POM121: variants seen among roughly 807,000 people sequenced by gnomAD.
POM121 encodes the protein POM121 transmembrane nucleoporin.
POM121 carries 32 observed loss-of-function variants against 81.3 expected under a neutral mutation model. The ratio of observed to expected loss-of-function variants is 0.39; its 90% confidence interval spans 0.30 to 0.53. The LOEUF (loss-of-function observed/expected upper bound fraction) is 0.53. Ranked by LOEUF, POM121 falls within the 20% of genes least tolerant of loss-of-function variation. The probability of loss-of-function intolerance (pLI) is 0.66; values close to 1 mark genes in which losing one functional copy is unlikely to be tolerated. For missense variants in POM121, 1,138 were observed against 1,614.6 expected, an observed-to-expected ratio of 0.70 and a Z score of 5.06; for synonymous variants, 514 against 694.2, an observed-to-expected ratio of 0.74 and a Z score of 4.08.
At position 72,926,312 on chromosome 7, in the gene POM121, A is replaced by C; in HGVS notation, c.695A>C (p.Tyr232Ser). 1 of 1,601,336 alleles carries C rather than the reference A, an allele frequency of 6.2e-7. No individual in the cohort carries two copies. Among genetic ancestry groups the C allele is most frequent in the Non-Finnish European group, 8.5e-7 (1 of 1,173,408 alleles). ...NRFVITPRRR[Y>S]PIHQAQYSCL... is the part of the protein sequence containing the mutation. The stretch of plus-strand genomic sequence containing the variant: ...TTTGTAATAACACCTAGAAGACGCT[A>C]TCCGATCCATCAGGCCCAGTATTCC... Residue 232 changes from tyrosine (Y) to serine (S), a missense_variant, in exon 2 of 13, where the codon TAT (tyrosine) becomes TCT (serine). This residue lies in a region of POM121 where 646 missense variants were observed against 633.5 expected (regional missense o/e 1.02). Coordinates refer to ENST00000434423, the MANE Select transcript of POM121 (RefSeq NM_001387691.1).
At chr7:72,915,327 C>G (rs1554494936) in intron 4 of POM121, among the ~76,000 whole-genome samples, 1 of 152,134 alleles carries the variant, frequency 6.6e-6, no homozygotes, top group African/African-American at 2.4e-5. Context: ...GGCATCTATT[C>G]AGAGCTAATA....
intron 5 of POM121, among the ~76,000 whole-genome samples, chr7:72,931,422 C>T (rs1796009095): frequency 1.3e-5 from 2 of 152,056 alleles, no homozygotes; most frequent in Non-Finnish European, 2.9e-5. Flanking sequence ...TAGACAGATC[C>T]TCTAGAAAGG....
chr7:72,934,317 T>C (rs1796305450), intron 5 of POM121, among the ~76,000 whole-genome samples: 1 of 152,168 alleles, frequency 6.6e-6, no homozygotes, highest in South Asian at 2.1e-4. Context: ...ACTCGTGACC[T>C]CAGGTGATCC....
At position 72,925,403 on chromosome 7, in the gene POM121, C is replaced by T. The variant is rs1795297686; in HGVS notation, c.282C>T (p.Ser94=). 2 of 1,531,338 alleles carry T rather than the reference C, an allele frequency of 1.3e-6. No individual in the cohort carries two copies. The highest frequency in any genetic ancestry group is 1.7e-6 in the Non-Finnish European group (2 of 1,144,800). The allele number at this position is 1,531,338 out of a possible 1,614,324, so 94.9% of individuals were successfully genotyped here. A position where few individuals can be genotyped will look rare whatever the true frequency, so the allele number is the denominator to read the frequency against. The part of the protein sequence containing the change: ...RKARHRRPLS[S]FVRKARHRRT... Reference sequence around the variant, plus strand: ...CGCGTCATCGGCGCCCCTTGTCCTCCTTCGTTCGGAAGGCGCGTCATCGGC... The same window carrying T: ...CGCGTCATCGGCGCCCCTTGTCCTCTTTCGTTCGGAAGGCGCGTCATCGGC... The change falls in exon 1 of 13, where the codon TCC becomes TCT. Residue 94 remains serine, a synonymous_variant. Coordinates refer to ENST00000434423, the MANE Select transcript of POM121 (RefSeq NM_001387691.1).
chr7:72,927,878 A>G (rs1426559645), intron 3 of POM121, among the ~76,000 whole-genome samples: 1 of 152,160 alleles, frequency 6.6e-6, no homozygotes, highest in Non-Finnish European at 1.5e-5. Flanking sequence ...GGACAAGACA[A>G]AATCCCTGCT....
At chr7:72,932,511 A>G (rs199777501) in intron 5 of POM121, among the ~76,000 whole-genome samples, 1 of 152,160 alleles carries the variant, frequency 6.6e-6, no homozygotes, top group East Asian at 1.9e-4. Flanking sequence ...TAATGCTGCA[A>G]AGAATACATT....
downstream of POM121, chr7:72,948,804 C>G (rs781985762): frequency 5.2e-6 from 8 of 1,551,834 alleles, no homozygotes; most frequent in Non-Finnish European, 6.2e-6. Flanking sequence ...AGGGCGGGAG[C>G]TAGCCTGCAA....
intron 3 of POM121, among the ~76,000 whole-genome samples, chr7:72,900,865 C>G (rs562972399): frequency 6.7e-6 from 1 of 149,666 alleles, no homozygotes; most frequent in Non-Finnish European, 1.5e-5. Context: ...TGCTCTTTTT[C>G]TAGTTTCTTA....
chr7:72,949,084 A>G (rs139392020), downstream of POM121: 4 of 1,612,790 alleles, frequency 2.5e-6, no homozygotes, highest in Non-Finnish European at 3.4e-6. Context: ...GGGCTCCTCC[A>G]GCTGTCTGCT....
At chr7:72,900,435 A>G (rs1434969960) in intron 3 of POM121, among the ~76,000 whole-genome samples, 5 of 151,670 alleles carry the variant, frequency 3.3e-5, no homozygotes, top group Non-Finnish European at 7.4e-5. Context: ...TCGAAGAGCC[A>G]ACATTTGGTT....
chr7:72,939,775 G>C lies in POM121; in HGVS notation c.1442-72G>C, dbSNP rs1235822385. On this transcript the variant is annotated intron_variant, in intron 7 of 12. Transcript: ENST00000434423. ...CCATTGAAAACTCAATGTGAAATGC[G>C]AAGTGGGTAGACACAACCATCCATT... is the stretch of plus-strand genomic sequence containing the variant. 3 of 1,610,674 alleles carry C rather than the reference G, an allele frequency of 1.9e-6. No individual in the cohort carries two copies. The South Asian group carries it at 3.3e-5, about 18-fold the overall frequency.
Position 72,942,989 on chromosome 7 carries a change from ACT to A in POM121, c.2999_3000del (p.Ser1000CysfsTer170), listed in dbSNP as rs782438941. On this transcript the variant is annotated frameshift_variant, in exon 11 of 13. Transcript: ENST00000434423. LOFTEE classifies it high-confidence loss of function. ...TTTGGCAGCTCTTTCACTTTTGGAAACTCTGCAGCCCCGGCTGCTGCACCCAC... is the reference window on the plus strand; with the variant it reads ...TTTGGCAGCTCTTTCACTTTTGGAAACTGCAGCCCCGGCTGCTGCACCCAC... 6.2e-6 allele frequency: 10 copies of A among 1,609,732 alleles called. No individual in the cohort carries two copies. The highest frequency in any genetic ancestry group is 4.5e-5 in the East Asian group (2 of 44,804).
chr7:72,946,412 G>T lies in POM121; in HGVS notation c.*178G>T. ...CCTTTCCCTTCTGGAGGAAGCACAA[G>T]CCTCAGGGAAGGGGAAGCAGGATGC... On this transcript the variant is annotated 3_prime_UTR_variant, in exon 13 of 13. Transcript: ENST00000434423. The T allele has an allele frequency of 7.0e-7, 1 of 1,425,152 alleles. No individual in the cohort carries two copies. Among genetic ancestry groups the T allele is most frequent in the East Asian group, 2.6e-5 (1 of 38,352 alleles). 88.3% of individuals were successfully genotyped at this position (1,425,152 alleles called of 1,614,324 possible).
intron 2 of POM121, 131 bp downstream of exon 2, chr7:72,926,608 T>C: frequency 1.0e-5 from 15 of 1,500,512 alleles, no homozygotes; most frequent in Non-Finnish European, 1.4e-5. Context: ...AATACCAAAT[T>C]CTAGTAAACC....
At chr7:72,922,518 T>C (rs1794906460), upstream of POM121, among the ~76,000 whole-genome samples, 2 of 151,902 alleles carry the variant, frequency 1.3e-5, no homozygotes, top group East Asian at 3.9e-4. Context: ...TCCTGAGTAG[T>C]TGGTACTACA....
At chr7:72,916,738 CTG>C (rs781921949) in intron 4 of POM121, among the ~76,000 whole-genome samples, 25 of 152,170 alleles carry the variant, frequency 1.6e-4, no homozygotes, top group Non-Finnish European at 3.4e-4. Flanking sequence ...AGCATTGACT[CTG>C]TAAATTATTT....
chr7:72,927,045 A>G (rs1795525233), intron 3 of POM121, 82 bp downstream of exon 3: 1 of 1,603,922 alleles, frequency 6.2e-7, no homozygotes, highest in Non-Finnish European at 8.5e-7. Flanking sequence ...ATATAGATAC[A>G]GAGGCCATCT....
Position 72,943,523 on chromosome 7 carries a change from G to A in POM121, c.3529+1G>A. 6.2e-7 allele frequency: 1 copy of A among 1,611,742 alleles called. No homozygotes were observed. The highest frequency in any genetic ancestry group is 8.5e-7 in the Non-Finnish European group (1 of 1,179,750). The stretch of plus-strand genomic sequence containing the variant: ...ACTGAGAGCAAACCTGTGTTTGGAG[G>A]TAAGGAGGGGCGTGGACTTGGGCTA... On this transcript the variant is annotated splice_donor_variant, in intron 11 of 12. Transcript: ENST00000434423. LOFTEE classifies it high-confidence loss of function.
At chr7:72,926,598 A>G in intron 2 of POM121, 121 bp downstream of exon 2, 1 of 1,517,254 alleles carries the variant, frequency 6.6e-7, no homozygotes, top group Non-Finnish European at 8.9e-7. Context: ...TTTGATGAGA[A>G]ATACCAAATT....
Sources: allele counts gnomAD v4.1 joint callset (sites outside exome capture counted in the v4.1 genomes callset), GRCh38; gene constraint gnomAD v4.1.1; regional missense constraint gnomAD v4.1.1; transcripts MANE v1.5; gene names NCBI Gene and HGNC (gene_info 2026-07-23, HGNC 2026-07-21).